The following CABIN1 variants were observed in gnomAD, a reference collection of about 807,000 sequenced individuals.
CABIN1 encodes calcineurin binding protein 1, also known as calcineurin-binding protein cabin-1.
A neutral mutation model predicts 227.7 loss-of-function variants in CABIN1; 133 were observed. The observed-to-expected ratio is 0.58, with a 90% confidence interval of 0.51 to 0.67. The LOEUF (loss-of-function observed/expected upper bound fraction) is 0.67. CABIN1 is among the 30% of genes least tolerant of loss of function. The pLI is 0.00. For synonymous variants in CABIN1, 1,086 were observed against 1,155.1 expected, an observed-to-expected ratio of 0.94 and a Z score of 1.21; for missense variants, 2,408 against 2,852.5, an observed-to-expected ratio of 0.84 and a Z score of 3.55.
chr22:24,164,781 C>A (rs2046354103), intron 30 of CABIN1, among the ~76,000 whole-genome samples: 1 of 152,152 alleles, frequency 6.6e-6, no homozygotes, highest in South Asian at 2.1e-4. Context: ...ACAGCCTGTC[C>A]CCACTGATCC....
At chr22:24,176,006 C>T in intron 34 of CABIN1, 105 bp from the exon 35 acceptor site, 1 of 1,337,446 alleles carries the variant, frequency 7.5e-7, no homozygotes, top group South Asian at 1.3e-5. Flanking sequence ...ACTCCCCTGC[C>T]CAGTGTCCCA....
chr22:24,055,128 T>A lies in CABIN1; in HGVS notation c.1062T>A (p.Ser354Arg), dbSNP rs756297626. The A allele has an allele frequency of 5.7e-5, 92 of 1,613,524 alleles. No individual in the cohort carries two copies. Among genetic ancestry groups the A allele is most frequent in the Non-Finnish European group, 7.8e-5 (92 of 1,180,040 alleles). ...CTACAACCAGCTTCCCACTGCACAG[T>A]CCTGGTCTGTTGGAGACAGGCGCTC... ...SVATTSFPLH[S>R]PGLLETGAPV... Residue 354 changes from serine (S) to arginine (R), a missense_variant, in exon 9 of 37, where the codon AGT (serine) becomes AGA (arginine). Transcript: ENST00000263119.
At chr22:24,073,595 G>C (rs1192899772) in intron 18 of CABIN1, among the ~76,000 whole-genome samples, 1 of 152,158 alleles carries the variant, frequency 6.6e-6, no homozygotes, top group African/African-American at 2.4e-5. Flanking sequence ...TGACAGGTTT[G>C]TGATAGTGGG....
At chr22:24,067,545 A>G (rs1227604628) in intron 16 of CABIN1, among the ~76,000 whole-genome samples, 1 of 152,216 alleles carries the variant, frequency 6.6e-6, no homozygotes, top group Non-Finnish European at 1.5e-5. Context: ...AAGTGGCTAA[A>G]ATATCTGTAC....
chr22:24,120,695 C>A (rs1027902082), intron 28 of CABIN1, among the ~76,000 whole-genome samples: 1 of 152,168 alleles, frequency 6.6e-6, no homozygotes, highest in African/African-American at 2.4e-5. Context: ...TGCCTGTAGT[C>A]CCAGCTACTC....
intron 19 of CABIN1, among the ~76,000 whole-genome samples, chr22:24,078,066 A>G (rs953975808): frequency 6.6e-6 from 1 of 152,076 alleles, no homozygotes; most frequent in African/African-American, 2.4e-5. Context: ...TCTGCCTGCC[A>G]TGCTATTCCT....
intron 25 of CABIN1, among the ~76,000 whole-genome samples, chr22:24,096,588 C>T (rs895119490): frequency 2.6e-5 from 4 of 152,170 alleles, no homozygotes; most frequent in African/African-American, 9.7e-5. Flanking sequence ...GGACTGACCC[C>T]AGTCTCCCTG....
At chr22:24,173,468 C>T (rs2046942936) in intron 34 of CABIN1, 1 of 152,218 alleles carries the variant, frequency 6.6e-6, no homozygotes, top group Non-Finnish European at 1.5e-5. Flanking sequence ...GAATTACTTC[C>T]CTTTGGGTCA....
At chr22:24,169,157 C>G (rs1029520280) in intron 33 of CABIN1, among the ~76,000 whole-genome samples, 1 of 151,964 alleles carries the variant, frequency 6.6e-6, no homozygotes, top group Non-Finnish European at 1.5e-5. Context: ...GGTGGGAGGG[C>G]TGGGATCAGA....
intron 28 of CABIN1, among the ~76,000 whole-genome samples, chr22:24,124,252 T>G (rs1429578438): frequency 6.6e-6 from 1 of 152,194 alleles, no homozygotes; most frequent in East Asian, 1.9e-4. Context: ...ATGTCCAACA[T>G]ACCCTGCACT....
chr22:24,064,320 C>T, intron 15 of CABIN1, 133 bp downstream of exon 15: 2 of 980,584 alleles, frequency 2.0e-6, no homozygotes, highest in South Asian at 1.3e-5. Context: ...ATTCTCCTGC[C>T]TCAGCCTCCT....
intron 5 of CABIN1, among the ~76,000 whole-genome samples, chr22:24,041,584 A>G (rs1218516044): frequency 6.6e-6 from 1 of 152,196 alleles, no homozygotes; most frequent in African/African-American, 2.4e-5. Flanking sequence ...ACACCAATAT[A>G]GTGGTAATAA....
chr22:24,064,478 A>C (rs111314812), intron 15 of CABIN1, among the ~76,000 whole-genome samples: 3 of 137,886 alleles, frequency 2.2e-5, no homozygotes, highest in African/African-American at 8.0e-5. Context: ...CAGTGCTGGG[A>C]TTACAGGTGT....
At chr22:24,155,150 T>C (rs1348458437) in intron 29 of CABIN1, among the ~76,000 whole-genome samples, 2 of 152,080 alleles carry the variant, frequency 1.3e-5, no homozygotes, top group African/African-American at 4.8e-5. Flanking sequence ...CAGGAGTTGG[T>C]AGACTGTCCC....
intron 1 of CABIN1, among the ~76,000 whole-genome samples, chr22:24,025,834 C>T (rs2036046149): frequency 6.6e-6 from 1 of 152,052 alleles, no homozygotes; most frequent in South Asian, 2.1e-4. Context: ...CCACCACGCC[C>T]AGCTAATTTA....
intron 28 of CABIN1, among the ~76,000 whole-genome samples, chr22:24,127,175 A>G (rs1436602162): frequency 2.6e-5 from 4 of 152,172 alleles, no homozygotes; most frequent in African/African-American, 9.7e-5. Context: ...ATCTAACAGG[A>G]AAGTCTGAAG....
At chr22:24,166,328 C>T (rs989315086) in intron 31 of CABIN1, among the ~76,000 whole-genome samples, 1 of 152,260 alleles carries the variant, frequency 6.6e-6, no homozygotes, top group East Asian at 1.9e-4. Flanking sequence ...CTGGGCAATG[C>T]TGCCCCAGCT....
Position 24,166,852 on chromosome 22 carries a change from G to A in CABIN1, c.5221G>A (p.Ala1741Thr), listed in dbSNP as rs754994751. The A allele has an allele frequency of 1.2e-5, 20 of 1,612,830 alleles. No individual in the cohort carries two copies. Among genetic ancestry groups the A allele is most frequent in the Non-Finnish European group, 1.6e-5 (19 of 1,179,870 alleles). Residue 1741 changes from alanine to threonine, a missense_variant, in exon 32 of 37, where the codon GCA (alanine) becomes ACA (threonine). By Grantham distance (58) the Ala-to-Thr change is moderately conservative (BLOSUM62 0). Coordinates refer to ENST00000263119, the MANE Select transcript of CABIN1 (RefSeq NM_012295.4). ...RPVAMDAGDS[A>T]DQSGERKDKE... is the part of the protein sequence containing the mutation. ...TGTGGCCATGGATGCAGGAGACAGT[G>A]CAGACCAAAGCGGGGAGCGGAAGGA...
intron 19 of CABIN1, among the ~76,000 whole-genome samples, chr22:24,079,599 GAAATGGTAT>G (rs1421390668): frequency 4.6e-5 from 7 of 152,308 alleles, no homozygotes; most frequent in African/African-American, 1.4e-4. Flanking sequence ...TGAAAGGCAT[GAAATGGTAT>G]TTCATTGTTC....
Sources: gnomAD v4.1 joint callset for allele counts (sites outside exome capture counted in the v4.1 genomes callset) on GRCh38, gnomAD v4.1.1 for gene constraint, MANE v1.5 for transcripts, NCBI Gene and HGNC (gene_info 2026-07-23, HGNC 2026-07-21) for gene names.